COTL1: variants seen among roughly 807,000 people sequenced by gnomAD.
The protein encoded by COTL1 is coactosin like F-actin binding protein 1.
A neutral mutation model predicts 16.5 loss-of-function variants in COTL1; 15 were observed. The ratio of observed to expected loss-of-function variants is 0.91; its 90% CI spans 0.61 to 1.40. COTL1 has a LOEUF of 1.40. Among genes scored for constraint, COTL1 ranks in the 40% most tolerant of loss-of-function variants. The pLI is 0.00. For synonymous variants in COTL1, 112 were observed against 85.3 expected (o/e 1.31, Z -1.73); for missense variants, 220 against 201.5 (o/e 1.09, Z -0.56).
chr16:84,591,634 T>TAAAAAAAAAAAAAA (rs372775821), intron 2 of COTL1, among the ~76,000 whole-genome samples: 2 of 75,198 alleles, frequency 2.7e-5, no homozygotes, highest in Admixed American at 1.5e-4. Flanking sequence ...ATCACCTCTC[T>TAAAAAAAAAAAAAA]AAAAAAAAAA....
chr16:84,589,941 T>C (rs56412059), intron 3 of COTL1, among the ~76,000 whole-genome samples, 164 bp downstream of exon 3: 3,155 of 152,322 alleles, frequency 0.021, 45 homozygotes, highest in Non-Finnish European at 0.033. Flanking sequence ...GAAACAATTC[T>C]GGTGACATTT....
intron 3 of COTL1, chr16:84,568,882 C>T (rs1035474119): frequency 6.6e-6 from 1 of 152,216 alleles, no homozygotes; most frequent in Non-Finnish European, 1.5e-5. Context: ...CGAAGTCAGA[C>T]AACCAGAAGG....
intron 2 of COTL1, chr16:84,595,818 T>C (rs1478169267): frequency 1.3e-5 from 2 of 152,196 alleles, no homozygotes; most frequent in African/African-American, 4.8e-5. Flanking sequence ...TATATGTGTG[T>C]ATATACATAC....
intron 3 of COTL1, among the ~76,000 whole-genome samples, chr16:84,588,949 T>G (rs867270210): frequency 2.0e-5 from 3 of 152,074 alleles, no homozygotes; most frequent in Non-Finnish European, 4.4e-5. Flanking sequence ...CCCACTTCCA[T>G]CATTAGACTA....
chr16:84,614,225 T>C (rs1489721871), intron 2 of COTL1, among the ~76,000 whole-genome samples: 1 of 152,160 alleles, frequency 6.6e-6, no homozygotes, highest in African/African-American at 2.4e-5. Context: ...AACTGAGCTA[T>C]GGAGCAAGAA....
chr16:84,577,885 G>C (rs1185618620), intron 3 of COTL1, among the ~76,000 whole-genome samples: 6 of 152,112 alleles, frequency 3.9e-5, no homozygotes, highest in Non-Finnish European at 7.4e-5. Flanking sequence ...CCCCGACAGG[G>C]CCCCTGACCT....
intron 2 of COTL1, chr16:84,594,816 C>G (rs532912718): frequency 6.6e-6 from 1 of 152,392 alleles, no homozygotes; most frequent in African/African-American, 2.4e-5. Flanking sequence ...TCGGGCTGAG[C>G]CAGCTCTCCC....
At chr16:84,585,601 C>T (rs150491898) in intron 3 of COTL1, among the ~76,000 whole-genome samples, 4 of 152,184 alleles carry the variant, frequency 2.6e-5, no homozygotes, top group Admixed American at 2.6e-4. Context: ...AGACATGGCA[C>T]CCGGAATGGG....
At chr16:84,593,374 C>T (rs777063280) in intron 2 of COTL1, among the ~76,000 whole-genome samples, 19 of 152,352 alleles carry the variant, frequency 1.2e-4, no homozygotes, top group South Asian at 4.1e-4. Context: ...CAGGAGACCC[C>T]GAGGGGTGAG....
At chr16:84,587,070 A>C (rs1245904177) in intron 3 of COTL1, among the ~76,000 whole-genome samples, 5 of 152,148 alleles carry the variant, frequency 3.3e-5, no homozygotes, top group Admixed American at 1.3e-4. Flanking sequence ...GCCACAGAAC[A>C]GGACTTCTTT....
chr16:84,593,953 G>A (rs574653349), intron 2 of COTL1, among the ~76,000 whole-genome samples: 1 of 152,266 alleles, frequency 6.6e-6, no homozygotes, highest in South Asian at 2.1e-4. Context: ...CCAGGCCCTG[G>A]CAGCCACTCT....
At chr16:84,573,375 C>T (rs796660785) in intron 3 of COTL1, among the ~76,000 whole-genome samples, 9 of 152,310 alleles carry the variant, frequency 5.9e-5, no homozygotes, top group African/African-American at 1.9e-4. Context: ...TGTGATCAGG[C>T]AAACAGAATC....
intron 2 of COTL1, among the ~76,000 whole-genome samples, chr16:84,614,035 G>A (rs371878089): frequency 4.6e-5 from 7 of 152,232 alleles, no homozygotes; most frequent in African/African-American, 1.2e-4. Context: ...GAATGGAGGT[G>A]AAGGATGAAG....
chr16:84,605,141 G>T (rs1186214079), intron 2 of COTL1, among the ~76,000 whole-genome samples: 1 of 152,220 alleles, frequency 6.6e-6, no homozygotes, highest in African/African-American at 2.4e-5. Context: ...GCCCCCCATG[G>T]CCTGGGCCTG....
intron 3 of COTL1, among the ~76,000 whole-genome samples, chr16:84,584,626 G>C (rs537372589): frequency 3.2e-4 from 49 of 152,344 alleles, no homozygotes; most frequent in African/African-American, 1.2e-3. Flanking sequence ...GTGTCCTGGA[G>C]CTGAGCATCT....
chr16:84,601,694 TC>T (rs1905107907), intron 2 of COTL1, among the ~76,000 whole-genome samples: 1 of 152,114 alleles, frequency 6.6e-6, no homozygotes, highest in Non-Finnish European at 1.5e-5. Flanking sequence ...GACCTCGTGA[TC>T]CCCCCATCCT....
intron 3 of COTL1, among the ~76,000 whole-genome samples, chr16:84,572,740 TTTTC>T (rs3086203): frequency 0.034 from 5,105 of 148,612 alleles, 102 homozygotes; most frequent in African/African-American, 0.054. Context: ...GAATTTTGAA[TTTTC>T]TTTCTTTCCT....
At chr16:84,604,064 C>T (rs1009362043) in intron 2 of COTL1, among the ~76,000 whole-genome samples, 1 of 136,324 alleles carries the variant, frequency 7.3e-6, no homozygotes, top group African/African-American at 2.8e-5. Flanking sequence ...TGCCCCACCA[C>T]GGCCCAACCC....
intron 3 of COTL1, among the ~76,000 whole-genome samples, chr16:84,585,611 GC>G (rs1402478021): frequency 6.6e-6 from 1 of 152,146 alleles, no homozygotes; most frequent in Admixed American, 6.5e-5. Context: ...CCCGGAATGG[GC>G]CCATCTGGAA....
Sources: gnomAD v4.1 joint callset for allele counts (sites outside exome capture counted in the v4.1 genomes callset) on GRCh38, gnomAD v4.1.1 for gene constraint, MANE v1.5 for transcripts, NCBI Gene and HGNC (gene_info 2026-07-23, HGNC 2026-07-21) for gene names.